The following BRD4 variants were observed in gnomAD, a reference collection of about 807,000 sequenced individuals.
The protein encoded by BRD4 is bromodomain-containing protein 4.
BRD4 carries 16 observed loss-of-function variants against 142.1 expected under a neutral mutation model. That is an observed-to-expected ratio of 0.11 (90% CI 0.08 to 0.17). The LOEUF (loss-of-function observed/expected upper bound fraction) is 0.17. Ranked by LOEUF, BRD4 falls within the 10% of genes least tolerant of loss-of-function variation. The pLI, the probability that BRD4 is intolerant of heterozygous loss-of-function variation, is 1.00. For missense variants in BRD4, 1,424 were observed against 1,810.9 expected, an observed-to-expected ratio of 0.79 and a Z score of 3.88; for synonymous variants, 833 against 707.5, an observed-to-expected ratio of 1.18 and a Z score of -2.82.
intron 2 of BRD4, among the ~76,000 whole-genome samples, chr19:15,270,014 C>A (rs1386411845): frequency 3.9e-5 from 6 of 152,244 alleles, no homozygotes; most frequent in African/African-American, 1.4e-4. Context: ...AATGACTAGA[C>A]CAGCTCAGGC....
chr19:15,306,602 G>A (rs1277070950), intron 1 of BRD4, among the ~76,000 whole-genome samples: 2 of 152,112 alleles, frequency 1.3e-5, no homozygotes, highest in Admixed American at 6.6e-5. Context: ...TGTGAGAGAC[G>A]CGAGACCCTT....
chr19:15,249,375 T>C, intron 11 of BRD4: 3 of 1,608,312 alleles, frequency 1.9e-6, no homozygotes, highest in South Asian at 1.1e-5. Flanking sequence ...AACCGCAGAC[T>C]GAGCCAACCT....
chr19:15,236,819 T>C lies in BRD4; in HGVS notation c.*1558A>G, dbSNP rs377382105. The C allele has an allele frequency of 7.8e-5, 14 of 180,636 alleles. No individual in the cohort carries two copies. Among genetic ancestry groups the C allele is most frequent in the South Asian group, 4.0e-4 (2 of 5,048 alleles). 11.2% of individuals were successfully genotyped at this position (180,636 alleles called of 1,614,324 possible). A position where few individuals can be genotyped will look rare whatever the true frequency, so the allele number is the denominator to read the frequency against. ...AGGCAACAGTTGGTTCACAAAGAAA[T>C]GTCAGGGAGACGCCAGCATTAAAAA... On this transcript the variant is annotated 3_prime_UTR_variant, in exon 20 of 20. Transcript: ENST00000679869.
intron 1 of BRD4, among the ~76,000 whole-genome samples, chr19:15,297,343 C>G (rs2047831672): frequency 6.6e-6 from 1 of 152,158 alleles, no homozygotes; most frequent in South Asian, 2.1e-4. Flanking sequence ...TACTTGAGAG[C>G]CGCTGCTAAG....
intron 4 of BRD4, among the ~76,000 whole-genome samples, chr19:15,266,752 A>G (rs2047538285): frequency 6.6e-6 from 1 of 152,188 alleles, no homozygotes; most frequent in Non-Finnish European, 1.5e-5. Flanking sequence ...AGAAGCAAAC[A>G]ACTCACACTC....
intron 1 of BRD4, among the ~76,000 whole-genome samples, chr19:15,317,180 G>C (rs2048024415): frequency 6.6e-6 from 1 of 152,172 alleles, no homozygotes; most frequent in African/African-American, 2.4e-5. Flanking sequence ...AGCTCTCCAA[G>C]CACCACCTTC....
At chr19:15,271,904 G>A (rs907211918) in intron 2 of BRD4, among the ~76,000 whole-genome samples, 2 of 152,032 alleles carry the variant, frequency 1.3e-5, no homozygotes, top group Non-Finnish European at 2.9e-5. Flanking sequence ...GGCTAAGGCC[G>A]CTCCTACACA....
chr19:15,312,821 G>A (rs761641886), intron 1 of BRD4, among the ~76,000 whole-genome samples: 3 of 151,916 alleles, frequency 2.0e-5, no homozygotes. Context: ...TGTAATTCCA[G>A]CTACCCCAGA....
rs1354437307 is a variant in BRD4 at position 15,238,499 on chromosome 19, T to C, written c.4021-54A>G. On this transcript the variant is annotated intron_variant, in intron 19 of 19. Transcript: ENST00000679869. This position sits in a 1 kb window ranked among gnomAD's most constrained non-coding sequence, Gnocchi z 7.2. ...GAGGATGACCTAGCCACCCTGCAGC[T>C]ACAAGCCCTCATACCCGCTACCAGC... 6.2e-7 allele frequency: 1 copy of C among 1,612,262 alleles called. No homozygotes were observed.
chr19:15,297,702 T>G (rs2047835183), intron 1 of BRD4, among the ~76,000 whole-genome samples: 1 of 152,204 alleles, frequency 6.6e-6, no homozygotes, highest in Non-Finnish European at 1.5e-5. Flanking sequence ...CCCCACCTGC[T>G]GGCAAATGGA....
At chr19:15,264,867 C>T (rs552109961) in intron 5 of BRD4, 101 bp from the exon 6 acceptor site, 286 of 1,500,372 alleles carry the variant, frequency 1.9e-4, no homozygotes, top group Non-Finnish European at 2.3e-4. Context: ...TGGGGCCCAT[C>T]GCTCACACAG....
chr19:15,244,796 G>A (rs1346930839), intron 11 of BRD4, 34 bp from the exon 12 acceptor site: 1 of 1,613,934 alleles, frequency 6.2e-7, no homozygotes, highest in Non-Finnish European at 8.5e-7. Context: ...TGAGGCTCTG[G>A]GGGAGAAGGT....
chr19:15,238,255 T>C lies in BRD4; in HGVS notation c.*122A>G. On this transcript the variant is annotated 3_prime_UTR_variant, in exon 20 of 20. Coordinates refer to ENST00000679869, the MANE Select transcript of BRD4 (RefSeq NM_001379291.1). The surrounding 1 kb of genome is among the most constrained non-coding windows in gnomAD (Gnocchi z 7.2). ...CGTCAGGCCTGCCCCGGGCATAGCATGCAGGAGGGCCAGGCCCTGAGGCAT... is the reference window on the plus strand; with the variant it reads ...CGTCAGGCCTGCCCCGGGCATAGCACGCAGGAGGGCCAGGCCCTGAGGCAT... 6.6e-7 allele frequency: 1 copy of C among 1,504,308 alleles called. No homozygotes were observed. Among genetic ancestry groups the C allele is most frequent in the Non-Finnish European group, 9.0e-7 (1 of 1,112,344 alleles). 93.2% of individuals were successfully genotyped at this position (1,504,308 alleles called of 1,614,324 possible).
In BRD4 at chr19:15,239,711, C is replaced by T. The variant is rs200095218; in HGVS notation, c.3393G>A (p.Pro1131=). ...RSEPFSPSLR[P]EPPKHPESIK... is the part of the protein sequence containing the mutation. ...TGCTCTCCGGGTGCTTGGGGGGCTC[C>T]GGCCGCAGCGAGGGGCTGAAGGGCT... Residue 1131 remains proline (P), a synonymous_variant, in exon 16 of 20, where the codon CCG becomes CCA. Coordinates refer to ENST00000679869, the MANE Select transcript of BRD4 (RefSeq NM_001379291.1). This position sits in a 1 kb window ranked among gnomAD's most constrained non-coding sequence, Gnocchi z 7.4. The T allele has an allele frequency of 1.2e-4, 196 of 1,597,070 alleles. No individual in the cohort carries two copies. The highest frequency in any genetic ancestry group is 1.5e-4 in the Non-Finnish European group (181 of 1,178,310).
rs1296430689 is a variant in BRD4, at chr19:15,237,970, G to A, written c.*407C>T. On this transcript the variant is annotated 3_prime_UTR_variant, in exon 20 of 20. Transcript: ENST00000679869. ...TGGGGTGTGGGGAAAGACTCCCGGC[G>A]GGCAGGACATCACGAACGTCACGTT... The A allele has an allele frequency of 8.2e-6, 2 of 243,332 alleles. No individual in the cohort carries two copies. The highest frequency in any genetic ancestry group is 6.0e-5 in the East Asian group (1 of 16,772). 15.1% of individuals were successfully genotyped at this position (243,332 alleles called of 1,614,324 possible). A position where few individuals can be genotyped will look rare whatever the true frequency, so the allele number is the denominator to read the frequency against.
intron 13 of BRD4, 75 bp downstream of exon 13, chr19:15,244,156 G>C: frequency 6.5e-7 from 1 of 1,533,938 alleles, no homozygotes; most frequent in Non-Finnish European, 8.7e-7. Flanking sequence ...TGCCCAGCCA[G>C]AGTGCTCGGA....
At chr19:15,286,155 G>A (rs1017638182) in intron 1 of BRD4, among the ~76,000 whole-genome samples, 1 of 152,196 alleles carries the variant, frequency 6.6e-6, no homozygotes, top group Non-Finnish European at 1.5e-5. Context: ...GCCAGACAAA[G>A]GGGGACAAAG....
intron 1 of BRD4, among the ~76,000 whole-genome samples, chr19:15,294,326 C>A (rs537689212): frequency 6.6e-6 from 1 of 152,380 alleles, no homozygotes; most frequent in East Asian, 1.9e-4. Context: ...CTGGACACAT[C>A]TGGACGACAG....
intron 13 of BRD4, 62 bp downstream of exon 13, chr19:15,244,169 C>A: frequency 6.5e-7 from 1 of 1,534,724 alleles, no homozygotes; most frequent in African/African-American, 1.4e-5. Flanking sequence ...TGCTCGGACA[C>A]CACATGGGTA....
Sources: allele counts gnomAD v4.1 joint callset (sites outside exome capture counted in the v4.1 genomes callset), GRCh38; gene constraint gnomAD v4.1.1; non-coding constraint Gnocchi (gnomAD v3.1); transcripts MANE v1.5; gene names NCBI Gene and HGNC (gene_info 2026-07-23, HGNC 2026-07-21).